Variants in CLSTN2 observed in about 807,000 individuals in gnomAD.
CLSTN2 encodes calsyntenin-2.
CLSTN2 carries 48 observed loss-of-function variants against 101.2 expected under a neutral mutation model. That is an observed-to-expected ratio of 0.47 (90% confidence interval 0.38 to 0.60). The LOEUF (loss-of-function observed/expected upper bound fraction) is 0.60. Among genes scored for constraint, CLSTN2 ranks in the 20% least tolerant of loss-of-function variants. The pLI is 0.00. For missense variants in CLSTN2, 1,160 were observed against 1,238.2 expected, an observed-to-expected ratio of 0.94 and a Z score of 0.95; for synonymous variants, 481 against 463.6, an observed-to-expected ratio of 1.04 and a Z score of -0.48.
intron 8 of CLSTN2, 40 bp from the exon 9 acceptor site, chr3:140,532,284 A>G (rs576686935): frequency 2.0e-6 from 3 of 1,529,502 alleles, no homozygotes; most frequent in South Asian, 1.2e-5. Context: ...GTTTTATTAC[A>G]TATTCAATTT....
Position 140,459,431 on chromosome 3 carries a change from C to T in CLSTN2, c.974-90C>T, listed in dbSNP as rs1220605011. ...AGGCACAGACGTCTCTGAGTAAGTA[C>T]ACTGAGTAGTTCACCTTGACCCAGG... On this transcript the variant is annotated intron_variant, in intron 6 of 16. Transcript: ENST00000458420. 5.5e-6 allele frequency: 8 copies of T among 1,450,700 alleles called. No homozygotes were observed. The African/African-American group carries it at 9.7e-5, about 18-fold the overall frequency. 89.9% of individuals were successfully genotyped at this position (1,450,700 alleles called of 1,614,324 possible). A position where few individuals can be genotyped will look rare whatever the true frequency, so the allele number is the denominator to read the frequency against.
chr3:140,368,807 G>A (rs2087820938), intron 2 of CLSTN2, among the ~76,000 whole-genome samples: 1 of 152,194 alleles, frequency 6.6e-6, no homozygotes, highest in Non-Finnish European at 1.5e-5. Context: ...GACTTTTTGT[G>A]TGAAACCCTT....
At chr3:140,251,584 G>GTTCCTTTCCT (rs60379986) in intron 2 of CLSTN2, among the ~76,000 whole-genome samples, 30,281 of 117,314 alleles carry the variant, frequency 0.26, 4,988 homozygotes, top group East Asian at 0.41. Flanking sequence ...CTTAGCTTCC[G>GTTCCTTTCCT]TTCCTTTCCT....
intron 1 of CLSTN2, among the ~76,000 whole-genome samples, chr3:139,962,591 A>T (rs905770720): frequency 3.9e-5 from 6 of 152,226 alleles, no homozygotes; most frequent in African/African-American, 1.4e-4. Flanking sequence ...TTGTAATTAA[A>T]AAAAGTTCTT....
At chr3:139,950,482 A>T (rs1311936193) in intron 1 of CLSTN2, among the ~76,000 whole-genome samples, 1 of 152,142 alleles carries the variant, frequency 6.6e-6, no homozygotes. Context: ...TTTTTCTGTA[A>T]CTCTGGCTCT....
intron 1 of CLSTN2, among the ~76,000 whole-genome samples, chr3:140,051,894 G>A (rs939027997): frequency 1.3e-5 from 2 of 152,214 alleles, no homozygotes; most frequent in Non-Finnish European, 2.9e-5. Flanking sequence ...CCACCCCACA[G>A]TTGCTGATGC....
At chr3:140,199,751 C>T (rs74325282) in intron 2 of CLSTN2, among the ~76,000 whole-genome samples, 1 of 152,154 alleles carries the variant, frequency 6.6e-6, no homozygotes, top group Non-Finnish European at 1.5e-5. Context: ...CTAATAAGCA[C>T]CCCAGTTGAA....
intron 1 of CLSTN2, among the ~76,000 whole-genome samples, chr3:139,937,648 G>A (rs1935050151): frequency 6.6e-6 from 1 of 151,960 alleles, no homozygotes; most frequent in Non-Finnish European, 1.5e-5. Context: ...GGAGGCTGAG[G>A]CAGGAGAATC....
chr3:140,082,241 T>C (rs949541271), intron 1 of CLSTN2, among the ~76,000 whole-genome samples: 1 of 152,196 alleles, frequency 6.6e-6, no homozygotes, highest in African/African-American at 2.4e-5. Context: ...ATTTGACTAC[T>C]GGGGGCTCTT....
At chr3:139,944,297 C>T (rs1187842717) in intron 1 of CLSTN2, among the ~76,000 whole-genome samples, 1 of 152,122 alleles carries the variant, frequency 6.6e-6, no homozygotes, top group Non-Finnish European at 1.5e-5. Flanking sequence ...TTTATCCAGC[C>T]CTGGATGCAA....
At chr3:140,141,534 G>A (rs2009697179) in intron 1 of CLSTN2, among the ~76,000 whole-genome samples, 1 of 152,208 alleles carries the variant, frequency 6.6e-6, no homozygotes, top group African/African-American at 2.4e-5. Flanking sequence ...GAGAATAATG[G>A]CAATAATAGC....
chr3:140,024,247 T>C (rs1560072716), intron 1 of CLSTN2, among the ~76,000 whole-genome samples: 2 of 152,126 alleles, frequency 1.3e-5, no homozygotes, highest in Admixed American at 6.5e-5. Flanking sequence ...TAAAAAGATG[T>C]TATGAGTCTG....
intron 2 of CLSTN2, among the ~76,000 whole-genome samples, chr3:140,236,638 C>G (rs894540195): frequency 6.6e-6 from 1 of 152,020 alleles, no homozygotes; most frequent in African/African-American, 2.4e-5. Flanking sequence ...CATAGCTCAC[C>G]GATGCTCTAT....
At chr3:140,321,474 C>T (rs1159628921) in intron 2 of CLSTN2, among the ~76,000 whole-genome samples, 1 of 152,206 alleles carries the variant, frequency 6.6e-6, no homozygotes. Context: ...CCCTTGCTCC[C>T]TACACCCTCA....
At chr3:140,281,131 G>T (rs1243217852) in intron 2 of CLSTN2, among the ~76,000 whole-genome samples, 5 of 152,210 alleles carry the variant, frequency 3.3e-5, no homozygotes, top group African/African-American at 1.2e-4. Context: ...CAGCCTCCCA[G>T]CAGGGGAGAT....
chr3:140,059,801 T>G (rs1319429491), intron 1 of CLSTN2, among the ~76,000 whole-genome samples: 1 of 152,130 alleles, frequency 6.6e-6, no homozygotes, highest in Non-Finnish European at 1.5e-5. Flanking sequence ...CAATGGGAGG[T>G]ATTTGTCTAT....
chr3:140,007,230 G>T (rs2006976180), intron 1 of CLSTN2, among the ~76,000 whole-genome samples: 1 of 152,186 alleles, frequency 6.6e-6, no homozygotes, highest in Admixed American at 6.6e-5. Context: ...TGAGGAAATA[G>T]CACTCAGAAA....
At chr3:140,394,820 A>C (rs1023867638) in intron 2 of CLSTN2, among the ~76,000 whole-genome samples, 1 of 152,176 alleles carries the variant, frequency 6.6e-6, no homozygotes, top group African/African-American at 2.4e-5. Context: ...GTAAATTGTT[A>C]TTATTATTCA....
chr3:139,963,636 C>T (rs959819404), intron 1 of CLSTN2, among the ~76,000 whole-genome samples: 1 of 152,210 alleles, frequency 6.6e-6, no homozygotes, highest in African/African-American at 2.4e-5. Context: ...CTTAGAGTCA[C>T]TCATCACAGT....
Sources: gnomAD v4.1 joint callset for allele counts (sites outside exome capture counted in the v4.1 genomes callset) on GRCh38, gnomAD v4.1.1 for gene constraint, MANE v1.5 for transcripts, NCBI Gene and HGNC (gene_info 2026-07-23, HGNC 2026-07-21) for gene names.